MEMO1: variants seen among roughly 807,000 people sequenced by gnomAD.
MEMO1 encodes the protein mediator of cell motility 1.
In MEMO1, 6 loss-of-function variants were observed where a neutral mutation model predicts 45.2. That is an observed-to-expected ratio of 0.13 (90% CI 0.07 to 0.26). The LOEUF is 0.26. Among genes scored for constraint, MEMO1 ranks in the 10% least tolerant of loss-of-function variants. MEMO1 has a pLI of 1.00. For synonymous variants in MEMO1, 78 were observed against 124.3 expected (o/e 0.63, Z 2.48); for missense variants, 184 against 370.5 (o/e 0.50, Z 4.13).
At chr2:31,994,320 T>C (rs908053551) in intron 2 of MEMO1, among the ~76,000 whole-genome samples, 9 of 151,864 alleles carry the variant, frequency 5.9e-5, no homozygotes, top group Admixed American at 2.0e-4. Context: ...AGTCACAATG[T>C]CTGGCATCCA....
At chr2:31,883,295 A>G in intron 8 of MEMO1, 91 bp downstream of exon 8, 2 of 905,232 alleles carry the variant, frequency 2.2e-6, no homozygotes, top group South Asian at 1.7e-5. Context: ...GGGAAAAAAT[A>G]TATTATTTCA....
intron 2 of MEMO1, among the ~76,000 whole-genome samples, chr2:31,973,240 G>T (rs1365850610): frequency 6.6e-6 from 1 of 152,128 alleles, no homozygotes; most frequent in Non-Finnish European, 1.5e-5. Flanking sequence ...GATTACCTGA[G>T]GTCAGGAGTT....
chr2:32,010,017 G>A (rs1236427384), intron 2 of MEMO1, among the ~76,000 whole-genome samples, 170 bp downstream of exon 2: 1 of 148,762 alleles, frequency 6.7e-6, no homozygotes, highest in Non-Finnish European at 1.5e-5. Flanking sequence ...TGGGGGAGGC[G>A]GCGAGGCCGG....
chr2:31,947,909 C>G (rs1666372960), intron 2 of MEMO1, among the ~76,000 whole-genome samples: 1 of 152,178 alleles, frequency 6.6e-6, no homozygotes, highest in Admixed American at 6.5e-5. Context: ...AATTGGTTTT[C>G]TATACTTCTC....
At chr2:31,885,442 A>T (rs2147954482) in intron 7 of MEMO1, among the ~76,000 whole-genome samples, 1 of 152,364 alleles carries the variant, frequency 6.6e-6, no homozygotes, top group African/African-American at 2.4e-5. Flanking sequence ...TCTCATTGCC[A>T]GGTGGCTGTG....
intron 2 of MEMO1, among the ~76,000 whole-genome samples, chr2:31,949,562 G>A (rs1429188465): frequency 6.7e-6 from 1 of 148,468 alleles, no homozygotes; most frequent in Non-Finnish European, 1.5e-5. Context: ...TGGAACTCAT[G>A]GACATAGTAG....
chr2:31,871,600 T>A (rs1318815274), intron 8 of MEMO1, among the ~76,000 whole-genome samples: 2 of 152,042 alleles, frequency 1.3e-5, no homozygotes, highest in Non-Finnish European at 2.9e-5. Context: ...ACTCTCAGAT[T>A]GGTCCACAAT....
At chr2:31,883,345 A>G (rs1675694131) in intron 8 of MEMO1, 41 bp downstream of exon 8, 1 of 1,326,284 alleles carries the variant, frequency 7.5e-7, no homozygotes. Flanking sequence ...AATTAAAGAA[A>G]AAGCCTTAGA....
At chr2:31,962,425 G>A (rs982579798) in intron 2 of MEMO1, among the ~76,000 whole-genome samples, 4 of 151,980 alleles carry the variant, frequency 2.6e-5, no homozygotes, top group Non-Finnish European at 4.4e-5. Flanking sequence ...GAGAGAGAGA[G>A]ATAACTATAA....
intron 5 of MEMO1, among the ~76,000 whole-genome samples, chr2:31,919,947 CACGT>C (rs1682029322): frequency 3.8e-5 from 2 of 52,694 alleles, no homozygotes; most frequent in Admixed American, 2.5e-4. Flanking sequence ...CACACACATA[CACGT>C]GTGTGTGTGT....
chr2:31,906,217 G>A (rs901558249), intron 6 of MEMO1, among the ~76,000 whole-genome samples: 6 of 151,584 alleles, frequency 4.0e-5, no homozygotes, highest in Admixed American at 2.0e-4. Context: ...TGATCCACCC[G>A]CCTCAACCTC....
intron 2 of MEMO1, chr2:31,963,351 C>T: frequency 8.0e-7 from 1 of 1,252,882 alleles, no homozygotes. Flanking sequence ...GACACACATA[C>T]CCTACTGGTT....
chr2:31,896,566 T>C (rs1055326711), intron 6 of MEMO1, among the ~76,000 whole-genome samples: 26 of 152,194 alleles, frequency 1.7e-4, no homozygotes, highest in Non-Finnish European at 7.3e-5. Flanking sequence ...CTGACTCTTG[T>C]TCAAGAACGA....
intron 2 of MEMO1, among the ~76,000 whole-genome samples, chr2:31,952,153 C>T (rs1182083288): frequency 3.3e-5 from 5 of 152,108 alleles, no homozygotes; most frequent in South Asian, 2.1e-4. Flanking sequence ...AAATAAAAAT[C>T]GCACTGTGAA....
chr2:31,951,600 T>C (rs1335399500), intron 2 of MEMO1, among the ~76,000 whole-genome samples: 2 of 151,954 alleles, frequency 1.3e-5, no homozygotes, highest in African/African-American at 4.8e-5. Context: ...TGGCACGATC[T>C]CGGCTCACTG....
intron 2 of MEMO1, among the ~76,000 whole-genome samples, chr2:31,982,880 A>G (rs890414963): frequency 4.6e-5 from 7 of 152,016 alleles, no homozygotes; most frequent in African/African-American, 1.7e-4. Flanking sequence ...TACAGGGAAA[A>G]CAGTAAAACA....
At chr2:32,002,390 A>G (rs942812452) in intron 2 of MEMO1, among the ~76,000 whole-genome samples, 7 of 150,126 alleles carry the variant, frequency 4.7e-5, no homozygotes, top group African/African-American at 1.7e-4. Context: ...GCCACAATAT[A>G]CATATATATA....
At chr2:31,943,957 G>C (rs1665912758) in intron 2 of MEMO1, among the ~76,000 whole-genome samples, 1 of 152,084 alleles carries the variant, frequency 6.6e-6, no homozygotes. Flanking sequence ...CCAGAAACCT[G>C]TTAACTCCAA....
At chr2:31,973,572 C>T (rs752590890) in intron 2 of MEMO1, among the ~76,000 whole-genome samples, 1 of 152,030 alleles carries the variant, frequency 6.6e-6, no homozygotes, top group Non-Finnish European at 1.5e-5. Flanking sequence ...TTGAAATGTC[C>T]GTCAGCAGAT....
Sources: allele counts gnomAD v4.1 joint callset (sites outside exome capture counted in the v4.1 genomes callset), GRCh38; gene constraint gnomAD v4.1.1; transcripts MANE v1.5; gene names NCBI Gene and HGNC (gene_info 2026-07-23, HGNC 2026-07-21).